LY86: variants seen among roughly 807,000 people sequenced by gnomAD.
The protein encoded by LY86 is MD-1, RP105-associated.
In LY86, 20 loss-of-function variants were observed where a neutral mutation model predicts 17.3. The observed-to-expected ratio is 1.15, with a 90% confidence interval of 0.81 to 1.68. The LOEUF (loss-of-function observed/expected upper bound fraction) is 1.68. Ranked by LOEUF, LY86 falls within the 40% of genes most tolerant of loss-of-function variation. The pLI is 0.00. For synonymous variants in LY86, 74 were observed against 70.6 expected, an observed-to-expected ratio of 1.05 and a Z score of -0.24; for missense variants, 200 against 191.9, an observed-to-expected ratio of 1.04 and a Z score of -0.25.
At chr6:6,609,139 C>T (rs1761270004) in intron 1 of LY86, among the ~76,000 whole-genome samples, 2 of 152,088 alleles carry the variant, frequency 1.3e-5, no homozygotes, top group African/African-American at 4.8e-5. Context: ...TTGTTCATGG[C>T]CCCGGGATCC....
At chr6:6,646,239 A>G (rs1011816966) in intron 3 of LY86, among the ~76,000 whole-genome samples, 1 of 152,140 alleles carries the variant, frequency 6.6e-6, no homozygotes, top group African/African-American at 2.4e-5. Context: ...AGGTTAAGTA[A>G]CTTGCCCAAT....
intron 1 of LY86, among the ~76,000 whole-genome samples, chr6:6,604,903 C>T (rs750730768): frequency 1.9e-4 from 28 of 151,290 alleles, no homozygotes; most frequent in South Asian, 1.3e-3. Flanking sequence ...TGACAGCTGG[C>T]TCCAGCAATA....
chr6:6,627,876 C>A (rs1029428243), intron 3 of LY86, among the ~76,000 whole-genome samples: 1 of 152,128 alleles, frequency 6.6e-6, no homozygotes, highest in Non-Finnish European at 1.5e-5. Flanking sequence ...TGGCTTGAAC[C>A]CAGGCAGGCT....
At chr6:6,648,374 C>T (rs557877528) in intron 3 of LY86, among the ~76,000 whole-genome samples, 87 of 152,262 alleles carry the variant, frequency 5.7e-4, no homozygotes, top group South Asian at 1.7e-3. Context: ...TATCTGTCAC[C>T]CCTCAATCTT....
At chr6:6,612,378 A>G (rs1327966865) in intron 1 of LY86, among the ~76,000 whole-genome samples, 1 of 152,232 alleles carries the variant, frequency 6.6e-6, no homozygotes, top group African/African-American at 2.4e-5. Context: ...TGGAGTGTTA[A>G]TCATTTATTT....
chr6:6,613,076 G>A (rs1213328054), intron 1 of LY86, among the ~76,000 whole-genome samples: 1 of 151,998 alleles, frequency 6.6e-6, no homozygotes, highest in East Asian at 1.9e-4. Context: ...CACCAGAGTA[G>A]CCAGATACAG....
At chr6:6,590,170 C>G (rs1200843889) in intron 1 of LY86, among the ~76,000 whole-genome samples, 6 of 144,350 alleles carry the variant, frequency 4.2e-5, no homozygotes, top group Non-Finnish European at 9.1e-5. Context: ...CAGTCACATT[C>G]TAAGATACCG....
In LY86 at chr6:6,623,515, G is replaced by A. The variant is rs114280745; in HGVS notation, c.137-1411G>A. On this transcript the variant is annotated intron_variant, in intron 1 of 4. Coordinates refer to ENST00000230568, the MANE Select transcript of LY86 (RefSeq NM_004271.4). ...CTCCATCTCTCTGCTACCTTGACTG[G>A]CAGACAGTGAAGGAGAAACATGATT... Among the ~76,000 whole-genome samples, 623 of 152,264 alleles carry A rather than the reference G, an allele frequency of 4.1e-3. 2 individuals carry two copies. The highest frequency in any genetic ancestry group is 0.014 in the African/African-American group (594 of 41,544).
At chr6:6,653,224 A>G (rs549745649) in intron 4 of LY86, among the ~76,000 whole-genome samples, 55 of 152,174 alleles carry the variant, frequency 3.6e-4, no homozygotes, top group Admixed American at 2.0e-3. Flanking sequence ...AGCTCTGCTC[A>G]TTGCTAGAAA....
chr6:6,641,886 C>A (rs1300947863), intron 3 of LY86, among the ~76,000 whole-genome samples: 2 of 152,230 alleles, frequency 1.3e-5, no homozygotes, highest in East Asian at 3.9e-4. Context: ...CATCAGGGAG[C>A]TGATTACCAG....
intron 1 of LY86, among the ~76,000 whole-genome samples, chr6:6,601,263 C>G (rs1020856640): frequency 1.3e-5 from 2 of 152,110 alleles, no homozygotes; most frequent in African/African-American, 4.8e-5. Context: ...GGAGAACAGG[C>G]AACGGAGAGA....
intron 1 of LY86, among the ~76,000 whole-genome samples, chr6:6,589,900 C>A (rs1444215735): frequency 6.6e-6 from 1 of 151,888 alleles, no homozygotes; most frequent in Non-Finnish European, 1.5e-5. Context: ...GGAGGGTGAA[C>A]CACTTGAGGT....
chr6:6,616,741 T>C (rs553060588), intron 1 of LY86, among the ~76,000 whole-genome samples: 1 of 152,358 alleles, frequency 6.6e-6, no homozygotes, highest in African/African-American at 2.4e-5. Flanking sequence ...TCATGACTTC[T>C]AGAAGCAGAA....
At chr6:6,638,730 C>T (rs558873290) in intron 3 of LY86, among the ~76,000 whole-genome samples, 6 of 151,906 alleles carry the variant, frequency 3.9e-5, no homozygotes, top group East Asian at 3.9e-4. Flanking sequence ...CATATGTATA[C>T]GTGTGCCATG....
At chr6:6,613,300 T>TC (rs1761445555) in intron 1 of LY86, among the ~76,000 whole-genome samples, 2 of 152,142 alleles carry the variant, frequency 1.3e-5, no homozygotes, top group South Asian at 4.1e-4. Flanking sequence ...TTGTGCAGTC[T>TC]AGGGGACGGA....
chr6:6,589,284 G>A (rs971426129), intron 1 of LY86, among the ~76,000 whole-genome samples: 1 of 152,140 alleles, frequency 6.6e-6, no homozygotes, highest in Non-Finnish European at 1.5e-5. Context: ...TACTTTGCAA[G>A]TGAAGTGAAA....
intron 1 of LY86, among the ~76,000 whole-genome samples, chr6:6,618,833 T>C (rs1761612826): frequency 6.6e-6 from 1 of 152,058 alleles, no homozygotes; most frequent in Non-Finnish European, 1.5e-5. Context: ...GTAATAAGAT[T>C]TGACAGGTAG....
intron 3 of LY86, among the ~76,000 whole-genome samples, chr6:6,648,133 A>G (rs1762133980): frequency 6.6e-6 from 1 of 152,024 alleles, no homozygotes; most frequent in Admixed American, 6.5e-5. Context: ...ATCACCCAAC[A>G]CAGCTGTGAT....
chr6:6,605,685 C>T (rs547842325), intron 1 of LY86, among the ~76,000 whole-genome samples: 5 of 152,218 alleles, frequency 3.3e-5, no homozygotes, highest in Non-Finnish European at 7.3e-5. Context: ...CTTCATCTCA[C>T]GGACTTAAAG....
Sources: allele counts gnomAD v4.1 joint callset (sites outside exome capture counted in the v4.1 genomes callset), GRCh38; gene constraint gnomAD v4.1.1; transcripts MANE v1.5; gene names NCBI Gene and HGNC (gene_info 2026-07-23, HGNC 2026-07-21).